SRGAP2C: variants seen among roughly 807,000 people sequenced by gnomAD.
SRGAP2C encodes the protein SLIT-ROBO Rho GTPase-activating protein 2C.
Under a neutral mutation model 25.1 loss-of-function variants are expected in SRGAP2C, and 15 were observed. The observed-to-expected ratio is 0.60, with a 90% confidence interval of 0.40 to 0.92. The LOEUF is 0.92. Ranked by LOEUF, SRGAP2C falls within the 40% of genes least tolerant of loss-of-function variation. The pLI is 0.00. For missense variants in SRGAP2C, 144 were observed against 264.4 expected, an observed-to-expected ratio of 0.54 and a Z score of 3.16; for synonymous variants, 44 against 96.6, an observed-to-expected ratio of 0.46 and a Z score of 3.19.
intron 2 of SRGAP2C, among the ~76,000 whole-genome samples, chr1:121,202,033 G>A (rs1487053121): frequency 3.3e-5 from 5 of 152,150 alleles, no homozygotes; most frequent in African/African-American, 4.8e-5. Flanking sequence ...TTCAGGAAAA[G>A]GGCTGTCAGC....
At chr1:121,216,461 C>CA (rs1341676040) in intron 2 of SRGAP2C, among the ~76,000 whole-genome samples, 1 of 150,950 alleles carries the variant, frequency 6.6e-6, no homozygotes, top group South Asian at 2.1e-4. Context: ...TGGCAAGGAA[C>CA]AAAAAAAGAC....
chr1:121,191,076 T>C (rs1350689162), intron 2 of SRGAP2C, among the ~76,000 whole-genome samples: 1 of 152,208 alleles, frequency 6.6e-6, no homozygotes, highest in Admixed American at 6.5e-5. Context: ...CCTTGGAAAG[T>C]TCATGCCTCT....
At chr1:121,374,752 T>C (rs1659592953) in intron 6 of SRGAP2C, 74 bp from the exon 7 acceptor site, 1 of 721,174 alleles carries the variant, frequency 1.4e-6, no homozygotes, top group African/African-American at 1.8e-5. Flanking sequence ...TTGAATACAC[T>C]GTACTTTTAT....
chr1:121,195,741 C>G (rs1227278872), intron 2 of SRGAP2C, among the ~76,000 whole-genome samples: 38 of 150,162 alleles, frequency 2.5e-4, no homozygotes, highest in African/African-American at 8.4e-4. Flanking sequence ...AACACATAGA[C>G]TACTAGCTAA....
chr1:121,295,748 T>C (rs1202577203), intron 3 of SRGAP2C, among the ~76,000 whole-genome samples: 2 of 152,080 alleles, frequency 1.3e-5, no homozygotes, highest in Non-Finnish European at 1.5e-5. Flanking sequence ...TTGTTGTTGT[T>C]GTTGTTGTTG....
In SRGAP2C at chr1:121,366,933, GTGCTTTAAAAAAAAAA is replaced by G. The variant is rs1553349606; in HGVS notation, c.486+1579_486+1594del. On this transcript the variant is annotated intron_variant, in intron 5 of 9. Transcript: ENST00000367123. ...AGGGTCCTATGTCTCTTCATATGCTGTGCTTTAAAAAAAAAAATAAGTGAAAGGGCGTAAGCTGTGT... is the reference window on the plus strand; with the variant it reads ...AGGGTCCTATGTCTCTTCATATGCTGATAAGTGAAAGGGCGTAAGCTGTGT... 4.2e-5 allele frequency among the ~76,000 whole-genome samples: 4 copies of G among 95,952 alleles called. 1 individual carries two copies. In the South Asian group the frequency reaches 1.2e-3, roughly 29 times the overall value. 62.9% of individuals were successfully genotyped at this position (95,952 alleles called of 152,430 possible).
At chr1:121,235,091 G>C (rs1265771449) in intron 2 of SRGAP2C, among the ~76,000 whole-genome samples, 1 of 140,792 alleles carries the variant, frequency 7.1e-6, no homozygotes, top group Non-Finnish European at 1.5e-5. Context: ...GCTAGATCTC[G>C]GCTCGCTGCA....
chr1:121,238,021 T>A (rs1344381013), intron 2 of SRGAP2C, among the ~76,000 whole-genome samples: 1 of 84,100 alleles, frequency 1.2e-5, no homozygotes, highest in South Asian at 3.0e-4. Context: ...ACATGGAGAA[T>A]CCCTAAGTTG....
At position 121,392,695 on chromosome 1, in the gene SRGAP2C, T is replaced by C. The variant is rs3879123; in HGVS notation, c.*4840T>C. 1.2e-4 allele frequency: 7 copies of C among 58,232 alleles called. No homozygotes were observed. Among genetic ancestry groups the C allele is most frequent in the African/African-American group, 4.4e-4 (6 of 13,654 alleles). 3.6% of individuals were successfully genotyped at this position (58,232 alleles called of 1,614,324 possible). On this transcript the variant is annotated 3_prime_UTR_variant, in exon 10 of 10. Coordinates refer to ENST00000367123, the MANE Select transcript of SRGAP2C (RefSeq NM_001329984.2). The stretch of plus-strand genomic sequence containing the variant: ...TATTGTAAGTATAGAGGGAGTTTAA[T>C]ATAAAATTATTAAACTAATATTTGT...
At chr1:121,249,570 ATATATATATATTTT>A (rs1343312827) in intron 2 of SRGAP2C, among the ~76,000 whole-genome samples, 51 of 33,942 alleles carry the variant, frequency 1.5e-3, no homozygotes, top group African/African-American at 2.7e-3. Flanking sequence ...ATATATATAT[ATATATATATATTTT>A]TTTTTTTTTT....
At chr1:121,202,226 C>T (rs1655001467) in intron 2 of SRGAP2C, among the ~76,000 whole-genome samples, 1 of 152,056 alleles carries the variant, frequency 6.6e-6, no homozygotes, top group Non-Finnish European at 1.5e-5. Context: ...CAGACATTTG[C>T]TTCATTTGGG....
chr1:121,208,752 C>T (rs1469471276), intron 2 of SRGAP2C, among the ~76,000 whole-genome samples: 1 of 151,906 alleles, frequency 6.6e-6, no homozygotes, highest in Non-Finnish European at 1.5e-5. Context: ...GAGTGCTTAG[C>T]ATATAATAAA....
chr1:121,374,685 A>C (rs1659590266), intron 6 of SRGAP2C, 141 bp from the exon 7 acceptor site: 10 of 611,298 alleles, frequency 1.6e-5, no homozygotes, highest in Middle Eastern at 4.4e-4. Context: ...CATTAAACAG[A>C]ATTAGAACCC....
Position 121,317,214 on chromosome 1 carries a change from A to G in SRGAP2C, c.261-7264A>G, listed in dbSNP as rs1658118881. Among the ~76,000 whole-genome samples, 2 of 88,152 alleles carry G rather than the reference A, an allele frequency of 2.3e-5. 1 individual carries two copies. The highest frequency in any genetic ancestry group is 7.9e-5 in the African/African-American group (2 of 25,250). 57.8% of individuals were successfully genotyped at this position (88,152 alleles called of 152,430 possible). A position where few individuals can be genotyped will look rare whatever the true frequency, so the allele number is the denominator to read the frequency against. Reference sequence around the variant, plus strand: ...GAATTTTGATCCTTTTATTCCTAGAATAGTGGCTAGCCCATAATAGGAGGC... The same window carrying G: ...GAATTTTGATCCTTTTATTCCTAGAGTAGTGGCTAGCCCATAATAGGAGGC... On this transcript the variant is annotated intron_variant, in intron 3 of 9. Transcript: ENST00000367123.
At chr1:121,212,678 A>G (rs1478488237) in intron 2 of SRGAP2C, among the ~76,000 whole-genome samples, 13 of 151,734 alleles carry the variant, frequency 8.6e-5, no homozygotes, top group Non-Finnish European at 1.2e-4. Context: ...CCTATTTGCC[A>G]ACAGCTGGGT....
In SRGAP2C at chr1:121,307,971, C is replaced by A. The variant is rs1188893648; in HGVS notation, c.261-16507C>A. On this transcript the variant is annotated intron_variant, in intron 3 of 9. Transcript: ENST00000367123. Reference sequence around the variant, plus strand: ...CTATTCACTTGCCTTTCATGTGTAACCACATGCAGTGTGTCAACATGCTTT... The same window carrying A: ...CTATTCACTTGCCTTTCATGTGTAAACACATGCAGTGTGTCAACATGCTTT... Among the ~76,000 whole-genome samples, 1,219 of 151,604 alleles carry A rather than the reference C, an allele frequency of 8.0e-3. 11 individuals carry two copies. The highest frequency in any genetic ancestry group is 0.025 in the South Asian group (122 of 4,788).
chr1:121,230,540 G>A (rs1160372530), intron 2 of SRGAP2C, among the ~76,000 whole-genome samples: 1 of 132,266 alleles, frequency 7.6e-6, no homozygotes, highest in African/African-American at 3.0e-5. Flanking sequence ...GGCTCATGGT[G>A]TTTCCTTTAA....
chr1:121,225,607 A>G (rs1655646529), intron 2 of SRGAP2C, among the ~76,000 whole-genome samples: 3 of 125,926 alleles, frequency 2.4e-5, no homozygotes, highest in Non-Finnish European at 4.9e-5. Flanking sequence ...CTGTTACTGA[A>G]TGATCTGTAT....
At chr1:121,336,219 C>T (rs1658512215) in intron 4 of SRGAP2C, among the ~76,000 whole-genome samples, 1 of 151,412 alleles carries the variant, frequency 6.6e-6, no homozygotes, top group South Asian at 2.1e-4. Flanking sequence ...GGACATGAGA[C>T]TTTTAGTTTT....
Sources: allele counts gnomAD v4.1 joint callset (sites outside exome capture counted in the v4.1 genomes callset), GRCh38; gene constraint gnomAD v4.1.1; transcripts MANE v1.5; gene names NCBI Gene and HGNC (gene_info 2026-07-23, HGNC 2026-07-21).